VPS45: variants seen among roughly 807,000 people sequenced by gnomAD.
VPS45 encodes the protein vacuolar protein sorting 45 homolog.
Under a neutral mutation model 75.9 loss-of-function variants are expected in VPS45, and 35 were observed. The ratio of observed to expected loss-of-function variants is 0.46; its 90% CI spans 0.35 to 0.61. The LOEUF is 0.61. Among genes scored for constraint, VPS45 ranks in the 20% least tolerant of loss-of-function variants. The pLI is 0.00. For missense variants in VPS45, 559 were observed against 685.9 expected (o/e 0.81, Z 2.07); for synonymous variants, 220 against 238.2 (o/e 0.92, Z 0.70).
intron 13 of VPS45, among the ~76,000 whole-genome samples, chr1:150,107,930 C>T (rs962287125): frequency 6.6e-6 from 1 of 152,002 alleles, no homozygotes; most frequent in Non-Finnish European, 1.5e-5. Context: ...ATCATAGTAA[C>T]CTGTGAGAAC....
At chr1:150,104,842 C>G (rs760213725) in intron 13 of VPS45, among the ~76,000 whole-genome samples, 40 of 152,192 alleles carry the variant, frequency 2.6e-4, no homozygotes, top group Non-Finnish European at 4.9e-4. Flanking sequence ...ATCCACCTGC[C>G]TTGGCCTCCC....
chr1:150,091,904 A>AG, intron 10 of VPS45, 33 bp from the exon 11 acceptor site: 1 of 1,600,598 alleles, frequency 6.2e-7, no homozygotes, highest in African/African-American at 1.3e-5. Flanking sequence ...CTCAAGTGAA[A>AG]GGGGGATAAA....
rs1553808292 is a variant in VPS45 at position 150,116,349 on chromosome 1, G to A, written c.1625+5722G>A. Among the ~76,000 whole-genome samples the A allele has an allele frequency of 5.3e-5, 8 of 152,162 alleles. 1 individual carries two copies. The highest frequency in any genetic ancestry group is 1.0e-4 in the Non-Finnish European group (7 of 68,028). On this transcript the variant is annotated intron_variant, in intron 14 of 14. Coordinates refer to ENST00000644510, the MANE Select transcript of VPS45 (RefSeq NM_007259.5). Reference sequence around the variant, plus strand: ...AGTGTCTCCCTTTGCTGCTAATAAAGCAATAATAGTTCATACTTATTGAGT... The same window carrying A: ...AGTGTCTCCCTTTGCTGCTAATAAAACAATAATAGTTCATACTTATTGAGT...
chr1:150,068,594 A>C (rs1368932012), intron 1 of VPS45, 36 bp from the exon 2 acceptor site: 2 of 1,477,586 alleles, frequency 1.4e-6, no homozygotes, highest in African/African-American at 2.8e-5. Context: ...ATTATTCTAG[A>C]CTAGCATACT....
intron 14 of VPS45, among the ~76,000 whole-genome samples, chr1:150,114,596 T>TA (rs1184578695): frequency 1 from 147,738 of 148,206 alleles, 73,658 homozygotes; most frequent in South Asian, 1. Context: ...AAAAAAAAGG[T>TA]AAAATTAGCT....
intron 2 of VPS45, among the ~76,000 whole-genome samples, chr1:150,070,200 C>A (rs1317713817): frequency 2.6e-5 from 4 of 152,100 alleles, no homozygotes; most frequent in Non-Finnish European, 5.9e-5. Context: ...ATGGTTTGAA[C>A]TTTTATATGG....
At position 150,142,947 on chromosome 1, in the gene VPS45, C is replaced by T. The variant is rs781943681; in HGVS notation, c.1626-1762C>T. ...GGATTACAGCGTAAGCCACTGCACC[C>T]GTCCATCCAAATAACTTTTATATTA... On this transcript the variant is annotated intron_variant, in intron 14 of 14. Coordinates refer to ENST00000644510, the MANE Select transcript of VPS45 (RefSeq NM_007259.5). 8.9e-5 allele frequency: 33 copies of T among 371,234 alleles called. 1 individual carries two copies. The highest frequency in any genetic ancestry group is 3.7e-4 in the South Asian group (19 of 51,240). 23.0% of individuals were successfully genotyped at this position (371,234 alleles called of 1,614,324 possible).
At chr1:150,128,699 G>A (rs1203169312) in intron 14 of VPS45, among the ~76,000 whole-genome samples, 2 of 151,348 alleles carry the variant, frequency 1.3e-5, no homozygotes, top group Non-Finnish European at 2.9e-5. Flanking sequence ...CACTACGGAC[G>A]TTTCAGGATA....
intron 14 of VPS45, among the ~76,000 whole-genome samples, chr1:150,131,634 AGAC>A (rs1262544245): frequency 6.6e-6 from 1 of 151,184 alleles, no homozygotes; most frequent in East Asian, 1.9e-4. Context: ...CAGGAGTTCG[AGAC>A]CAATCTGGGC....
intron 13 of VPS45, among the ~76,000 whole-genome samples, chr1:150,099,457 A>C (rs1656846731): frequency 6.6e-6 from 1 of 151,358 alleles, no homozygotes; most frequent in African/African-American, 2.4e-5. Context: ...AGTTGTAGTG[A>C]GCCAAGATTG....
chr1:150,114,904 T>TA (rs11437363), intron 14 of VPS45, among the ~76,000 whole-genome samples: 32,021 of 143,358 alleles, frequency 0.22, 4,745 homozygotes, highest in African/African-American at 0.42. Context: ...GACCCTGTCT[T>TA]AAAAAAAAAA....
At position 150,120,894 on chromosome 1, in the gene VPS45, G is replaced by C. The variant is rs2101628710; in HGVS notation, c.1625+10267G>C. On this transcript the variant is annotated intron_variant, in intron 14 of 14. Transcript: ENST00000644510. ...TTTTTTTTTTTTTTTTTGAGTCAGAGTCTTGCTCTGTGGCCCAGGCTGGAG... is the reference window on the plus strand; with the variant it reads ...TTTTTTTTTTTTTTTTTGAGTCAGACTCTTGCTCTGTGGCCCAGGCTGGAG... Among the ~76,000 whole-genome samples the C allele has an allele frequency of 1.6e-5, 2 of 127,318 alleles. 1 individual carries two copies. The highest frequency in any genetic ancestry group is 3.2e-5 in the Non-Finnish European group (2 of 63,218). The allele number at this position is 127,318 out of a possible 152,430, so 83.5% of individuals were successfully genotyped here. A position where few individuals can be genotyped will look rare whatever the true frequency, so the allele number is the denominator to read the frequency against.
At position 150,091,950 on chromosome 1, in the gene VPS45, T is replaced by A; in HGVS notation, c.1118T>A (p.Leu373His). Residue 373 changes from leucine (L) to histidine (H), a missense_variant, in exon 11 of 15, where the codon CTT becomes CAT. Physicochemically the swap from Leu to His is moderately conservative, Grantham distance 99 (BLOSUM62 -3). Coordinates refer to ENST00000644510, the MANE Select transcript of VPS45 (RefSeq NM_007259.5). ...ATCTTTCTTCAGAATATAAAAAGGCTTCTGCAGAACCCCAAAGTGACAGAG... is the reference window on the plus strand; with the variant it reads ...ATCTTTCTTCAGAATATAAAAAGGCATCTGCAGAACCCCAAAGTGACAGAG... ...HSSALQNIKR[L>H]LQNPKVTEFD... 1 of 1,613,040 alleles carries A rather than the reference T, an allele frequency of 6.2e-7. No individual in the cohort carries two copies. The highest frequency in any genetic ancestry group is 1.1e-5 in the South Asian group (1 of 90,828).
chr1:150,102,506 G>C (rs1657095263), intron 13 of VPS45, among the ~76,000 whole-genome samples: 1 of 147,084 alleles, frequency 6.8e-6, no homozygotes, highest in South Asian at 2.1e-4. Flanking sequence ...CCAAGATTGT[G>C]CCCTTGCATT....
At position 150,080,142 on chromosome 1, in the gene VPS45, G is replaced by C. The variant is rs1655620393; in HGVS notation, c.688-1200G>C. On this transcript the variant is annotated intron_variant, in intron 7 of 14. Transcript: ENST00000644510. ...TATCCATAAAAGCATAAAACATTTT[G>C]TTGTACGTTTTTTTTTTTTTGAGAT... Among the ~76,000 whole-genome samples the C allele has an allele frequency of 3.1e-5, 3 of 96,186 alleles. No homozygotes were observed. In the Admixed American group the frequency reaches 4.6e-4, roughly 15 times the overall value. The allele number at this position is 96,186 out of a possible 152,430, so 63.1% of individuals were successfully genotyped here.
intron 14 of VPS45, among the ~76,000 whole-genome samples, chr1:150,121,670 C>T (rs141969401): frequency 7.9e-4 from 120 of 152,204 alleles, no homozygotes; most frequent in Middle Eastern, 3.4e-3. Context: ...TTTTCATCAA[C>T]GTCTATCTAG....
chr1:150,075,157 T>TTTA (rs1232475591), intron 3 of VPS45, among the ~76,000 whole-genome samples: 1 of 148,076 alleles, frequency 6.8e-6, no homozygotes, highest in African/African-American at 2.5e-5. Context: ...TTTTTTTTTT[T>TTTA]ACAGTTTTTT....
At chr1:150,103,858 T>G (rs1657175550) in intron 13 of VPS45, among the ~76,000 whole-genome samples, 1 of 152,230 alleles carries the variant, frequency 6.6e-6, no homozygotes, top group Non-Finnish European at 1.5e-5. Flanking sequence ...GTTAACTATC[T>G]GATTCTTCCC....
At chr1:150,117,509 T>C (rs1658002339) in intron 14 of VPS45, among the ~76,000 whole-genome samples, 1 of 137,172 alleles carries the variant, frequency 7.3e-6, no homozygotes, top group Admixed American at 7.6e-5. Flanking sequence ...GCAGCAAGAG[T>C]GAGACTCTGT....
Sources: allele counts gnomAD v4.1 joint callset (sites outside exome capture counted in the v4.1 genomes callset), GRCh38; gene constraint gnomAD v4.1.1; transcripts MANE v1.5; gene names NCBI Gene and HGNC (gene_info 2026-07-23, HGNC 2026-07-21).